The following SLC22A23 variants were observed in gnomAD, a reference collection of about 807,000 sequenced individuals.
SLC22A23 encodes the protein ion transporter protein.
Under a neutral mutation model 61.0 loss-of-function variants are expected in SLC22A23, and 26 were observed. The ratio of observed to expected loss-of-function variants is 0.43; its 90% CI spans 0.31 to 0.59. The LOEUF is 0.59. Ranked by LOEUF, SLC22A23 falls within the 20% of genes least tolerant of loss-of-function variation. SLC22A23 has a pLI of 0.11. For synonymous variants in SLC22A23, 430 were observed against 413.9 expected (o/e 1.04, Z -0.47); for missense variants, 796 against 934.7 (o/e 0.85, Z 1.94).
intron 3 of SLC22A23, among the ~76,000 whole-genome samples, chr6:3,397,285 A>C (rs981427853): frequency 6.6e-6 from 1 of 152,240 alleles, no homozygotes; most frequent in Non-Finnish European, 1.5e-5. Context: ...GGGTGGATTA[A>C]ATAGTTCCAT....
In SLC22A23 at chr6:3,297,765, AGT is replaced by A; in HGVS notation, c.1210+324_1210+325del. ...CTACACCCTGAGCCAGCGCTCTGGC[AGT>A]GTTTAGACCTGGCAGGCAGGTAGGC... On this transcript the variant is annotated intron_variant, in intron 5 of 9. Coordinates refer to ENST00000406686, the MANE Select transcript of SLC22A23 (RefSeq NM_015482.2). The surrounding 1 kb of genome is among the most constrained non-coding windows in gnomAD (Gnocchi z 4.3). Among the ~76,000 whole-genome samples, 1 of 152,228 alleles carries A rather than the reference AGT, an allele frequency of 6.6e-6. No individual in the cohort carries two copies. Among genetic ancestry groups the A allele is most frequent in the Non-Finnish European group, 1.5e-5 (1 of 68,038 alleles).
rs1044127522 is a variant in SLC22A23 at position 3,387,964 on chromosome 6, G to A, written c.913+22224C>T. Among the ~76,000 whole-genome samples the A allele has an allele frequency of 1.3e-5, 2 of 152,154 alleles. No individual in the cohort carries two copies. The highest frequency in any genetic ancestry group is 2.9e-5 in the Non-Finnish European group (2 of 68,030). ...GCTGTTCCTGCTGCCTGAAAGAGAA[G>A]CCCAACAAGTCCCCTCTGGCAAGTG... On this transcript the variant is annotated intron_variant, in intron 3 of 9. Coordinates refer to ENST00000406686, the MANE Select transcript of SLC22A23 (RefSeq NM_015482.2). The surrounding 1 kb of genome is among the most constrained non-coding windows in gnomAD (Gnocchi z 5.0).
At chr6:3,395,774 A>G (rs1767966174) in intron 3 of SLC22A23, among the ~76,000 whole-genome samples, 1 of 152,220 alleles carries the variant, frequency 6.6e-6, no homozygotes, top group South Asian at 2.1e-4. Context: ...AATAGATTAA[A>G]TATTAATCTG....
chr6:3,284,883 G>T, intron 8 of SLC22A23, 196 bp downstream of exon 8: 1 of 1,530,758 alleles, frequency 6.5e-7, no homozygotes, highest in Non-Finnish European at 8.8e-7. Flanking sequence ...AGCACCAGTC[G>T]CTCTTTCTAG....
In SLC22A23 at chr6:3,454,660, G is replaced by T. The variant is rs1051005525; in HGVS notation, c.654+1246C>A. ...GGTAGGAGGTGGGTGGGATCAAGGT[G>T]AACCCAGCTAGAAGGACCTTCCCCA... On this transcript the variant is annotated intron_variant, in intron 1 of 9. Transcript: ENST00000406686. This position sits in a 1 kb window ranked among gnomAD's most constrained non-coding sequence, Gnocchi z 4.3. 6.6e-6 allele frequency among the ~76,000 whole-genome samples: 1 copy of T among 152,178 alleles called. No homozygotes were observed. Among genetic ancestry groups the T allele is most frequent in the East Asian group, 1.9e-4 (1 of 5,198 alleles).
chr6:3,358,167 C>G, intron 3 of SLC22A23, among the ~76,000 whole-genome samples: 1 of 152,060 alleles, frequency 6.6e-6, no homozygotes, highest in Admixed American at 6.6e-5. Context: ...TATGGCAGTT[C>G]CTCAAAAAAC....
intron 9 of SLC22A23, among the ~76,000 whole-genome samples, chr6:3,274,299 C>T (rs1758699865): frequency 6.6e-6 from 1 of 152,182 alleles, no homozygotes; most frequent in Non-Finnish European, 1.5e-5. Flanking sequence ...GACCGTGGCG[C>T]TCAGGTGTCA....
chr6:3,426,635 T>C (rs1255336623), intron 1 of SLC22A23, among the ~76,000 whole-genome samples: 1 of 152,266 alleles, frequency 6.6e-6, no homozygotes, highest in African/African-American at 2.4e-5. Flanking sequence ...TGTAACCATC[T>C]TGAAGATGAC....
chr6:3,290,629 G>A (rs572043998), intron 5 of SLC22A23: 20 of 153,146 alleles, frequency 1.3e-4, no homozygotes, highest in African/African-American at 4.3e-4. Flanking sequence ...CCCCTCTGAA[G>A]GGAGTCCACC....
chr6:3,370,529 AG>A (rs1257967809), intron 3 of SLC22A23, among the ~76,000 whole-genome samples: 1 of 152,262 alleles, frequency 6.6e-6, no homozygotes, highest in Non-Finnish European at 1.5e-5. Context: ...GGCGGTGGCC[AG>A]GTGGCCTGCG....
At chr6:3,283,825 T>C in intron 9 of SLC22A23, 27 bp downstream of exon 9, 2 of 1,612,768 alleles carry the variant, frequency 1.2e-6, no homozygotes, top group Non-Finnish European at 1.7e-6. Flanking sequence ...GAAGCCGGCG[T>C]CCCCTGGGGT....
chr6:3,444,000 A>G (rs1215693875), intron 1 of SLC22A23, among the ~76,000 whole-genome samples: 1 of 152,224 alleles, frequency 6.6e-6, no homozygotes, highest in African/African-American at 2.4e-5. Context: ...GCATCTTTCC[A>G]AGAAATTCCT....
In SLC22A23 at chr6:3,309,000, A is replaced by C. The variant is rs147824116; in HGVS notation, c.1083-10782T>G. Among the ~76,000 whole-genome samples the C allele has an allele frequency of 0.015, 2,266 of 148,792 alleles. 26 individuals carry two copies. The highest frequency in any genetic ancestry group is 0.024 in the Admixed American group (358 of 15,004). On this transcript the variant is annotated intron_variant, in intron 4 of 9. Coordinates refer to ENST00000406686, the MANE Select transcript of SLC22A23 (RefSeq NM_015482.2). This position sits in a 1 kb window ranked among gnomAD's most constrained non-coding sequence, Gnocchi z 5.1. ...CCAACAACCCACAGTGTGGATCGGCAGGTCCCTAACCCCATGGCTTCAATT... is the reference window on the plus strand; with the variant it reads ...CCAACAACCCACAGTGTGGATCGGCCGGTCCCTAACCCCATGGCTTCAATT...
chr6:3,288,167 T>C (rs1255944060), intron 6 of SLC22A23, among the ~76,000 whole-genome samples: 1 of 152,152 alleles, frequency 6.6e-6, no homozygotes, highest in African/African-American at 2.4e-5. Context: ...GCCTCAGGGC[T>C]CTCAGGAACC....
At position 3,273,381 on chromosome 6, in the gene SLC22A23, C is replaced by A. The variant is rs200011775; in HGVS notation, c.1735G>T (p.Ala579Ser). 2.5e-6 allele frequency: 4 copies of A among 1,612,566 alleles called. No homozygotes were observed. The highest frequency in any genetic ancestry group is 3.4e-6 in the Non-Finnish European group (4 of 1,179,826). ...CGGLGLVLAS[A>S]GFGMLTAPII... ...GGTGCCGTCAGCATGCCGAAGCCCG[C>A]GCTGGCCAGCACCAGCCCCAGCCCG... Residue 579 changes from alanine (A) to serine (S), a missense_variant, in exon 10 of 10, where the codon GCG (alanine) becomes TCG (serine). By Grantham distance (99) the Ala-to-Ser change is moderately conservative (BLOSUM62 1). Transcript: ENST00000406686.
At chr6:3,316,504 G>T (rs1379876501) in intron 4 of SLC22A23, among the ~76,000 whole-genome samples, 1 of 152,184 alleles carries the variant, frequency 6.6e-6, no homozygotes, top group Admixed American at 6.5e-5. Flanking sequence ...CATGAGGGCG[G>T]GACTGTCTGC....
chr6:3,295,683 A>G (rs937223351), intron 5 of SLC22A23, among the ~76,000 whole-genome samples: 7 of 152,198 alleles, frequency 4.6e-5, no homozygotes, highest in African/African-American at 1.4e-4. Context: ...GGGCAGAGGA[A>G]GCTGGAAGTG....
At position 3,329,160 on chromosome 6, in the gene SLC22A23, C is replaced by A. The variant is rs13194830; in HGVS notation, c.914-5158G>T. Among the ~76,000 whole-genome samples, 2,388 of 152,208 alleles carry A rather than the reference C, an allele frequency of 0.016. 56 individuals carry two copies. Among genetic ancestry groups the A allele is most frequent in the African/African-American group, 0.053 (2,186 of 41,486 alleles). On this transcript the variant is annotated intron_variant, in intron 3 of 9. Coordinates refer to ENST00000406686, the MANE Select transcript of SLC22A23 (RefSeq NM_015482.2). The surrounding 1 kb of genome is among the most constrained non-coding windows in gnomAD (Gnocchi z 4.8). The stretch of plus-strand genomic sequence containing the variant: ...GGCCAAAGTTTTAACATTCTCCCCC[C>A]ACCTCCCTCATCCCCCACAAACACA...
intron 1 of SLC22A23, among the ~76,000 whole-genome samples, chr6:3,440,136 G>C (rs776895228): frequency 1.4e-4 from 22 of 152,152 alleles, no homozygotes; most frequent in South Asian, 6.2e-4. Context: ...TACCACAAGA[G>C]AGGGCCAGTC....
Sources: gnomAD v4.1 joint callset for allele counts (sites outside exome capture counted in the v4.1 genomes callset) on GRCh38, gnomAD v4.1.1 for gene constraint, Gnocchi (gnomAD v3.1) non-coding constraint, MANE v1.5 for transcripts, NCBI Gene and HGNC (gene_info 2026-07-23, HGNC 2026-07-21) for gene names.